The following SH3GL3 variants were observed in gnomAD, a reference collection of about 807,000 sequenced individuals.
The protein encoded by SH3GL3 is SH3 domain containing GRB2 like 3, endophilin A3.
Under a neutral mutation model 47.7 loss-of-function variants are expected in SH3GL3, and 33 were observed. The ratio of observed to expected loss-of-function variants is 0.69; its 90% CI spans 0.52 to 0.92. The LOEUF is 0.92. Ranked by LOEUF, SH3GL3 falls within the 40% of genes least tolerant of loss-of-function variation. SH3GL3 has a pLI of 0.00. For synonymous variants in SH3GL3, 155 were observed against 148.8 expected (o/e 1.04, Z -0.30); for missense variants, 363 against 417.8 (o/e 0.87, Z 1.14).
chr15:83,586,551 A>G (rs982109327), intron 6 of SH3GL3, among the ~76,000 whole-genome samples: 5 of 152,184 alleles, frequency 3.3e-5, no homozygotes, highest in African/African-American at 1.2e-4. Flanking sequence ...TGTTTAATGT[A>G]CTTAATGTCT....
At chr15:83,549,440 G>A (rs1283703171) in intron 1 of SH3GL3, among the ~76,000 whole-genome samples, 1 of 152,196 alleles carries the variant, frequency 6.6e-6, no homozygotes, top group Non-Finnish European at 1.5e-5. Context: ...AATGATTCAA[G>A]TTTGCATTCC....
intron 6 of SH3GL3, among the ~76,000 whole-genome samples, chr15:83,584,761 A>T (rs531539930): frequency 6.6e-6 from 1 of 152,214 alleles, no homozygotes; most frequent in African/African-American, 2.4e-5. Flanking sequence ...TGCTCTCAAG[A>T]TGGCACCAGC....
At chr15:83,491,027 C>A in intron 1 of SH3GL3, 1 of 1,492,244 alleles carries the variant, frequency 6.7e-7, no homozygotes, top group Non-Finnish European at 9.0e-7. Context: ...AGTGGGAAGC[C>A]TTGTATTAGC....
intron 1 of SH3GL3, among the ~76,000 whole-genome samples, chr15:83,474,468 G>T (rs2040999146): frequency 2.0e-5 from 3 of 151,866 alleles, no homozygotes; most frequent in Admixed American, 2.0e-4. Context: ...GCAGGCCAAA[G>T]AAATGTGTGT....
At chr15:83,573,944 G>C (rs2059601225) in intron 5 of SH3GL3, among the ~76,000 whole-genome samples, 1 of 152,178 alleles carries the variant, frequency 6.6e-6, no homozygotes, top group South Asian at 2.1e-4. Flanking sequence ...ATGAGCCCAG[G>C]GACATGAAGG....
Position 83,548,220 on chromosome 15 carries a change from A to G in SH3GL3, c.46-11033A>G, listed in dbSNP as rs995735834. On this transcript the variant is annotated intron_variant, in intron 1 of 8. Transcript: ENST00000427482. ...ACATACATTTAAAACCTCACAAGAC[A>G]TTACTTTTATTTTAAGCTGTGAATA... is the stretch of plus-strand genomic sequence containing the variant. 9.2e-5 allele frequency among the ~76,000 whole-genome samples: 14 copies of G among 151,736 alleles called. 1 individual carries two copies. Among genetic ancestry groups the G allele is most frequent in the African/African-American group, 3.4e-4 (14 of 41,408 alleles).
At chr15:83,611,006 A>ATG (rs933271172) in intron 8 of SH3GL3, among the ~76,000 whole-genome samples, 1 of 150,066 alleles carries the variant, frequency 6.7e-6, no homozygotes, top group Non-Finnish European at 1.5e-5. Context: ...TATAATATGT[A>ATG]TGTGTGTGTG....
At chr15:83,516,705 G>A (rs2637980) in intron 1 of SH3GL3, among the ~76,000 whole-genome samples, 2 of 151,930 alleles carry the variant, frequency 1.3e-5, no homozygotes, top group African/African-American at 2.4e-5. Flanking sequence ...CATGAGGGGT[G>A]TGCCTCATGA....
intron 1 of SH3GL3, among the ~76,000 whole-genome samples, chr15:83,476,081 C>A (rs1786930423): frequency 1.3e-5 from 2 of 151,956 alleles, no homozygotes; most frequent in Admixed American, 6.6e-5. Flanking sequence ...TCATAACTAT[C>A]AAAAAATAGT....
At chr15:83,570,681 T>G (rs778889456) in intron 4 of SH3GL3, among the ~76,000 whole-genome samples, 9 of 152,230 alleles carry the variant, frequency 5.9e-5, no homozygotes, top group Non-Finnish European at 1.2e-4. Flanking sequence ...AAATCAAATA[T>G]TTGGCCACAG....
intron 1 of SH3GL3, among the ~76,000 whole-genome samples, chr15:83,469,031 A>G (rs1567244545): frequency 2.0e-5 from 3 of 152,114 alleles, no homozygotes; most frequent in Admixed American, 6.6e-5. Context: ...TATTCAAATT[A>G]TCTGTTTTTT....
chr15:83,585,742 G>A (rs1168575498), intron 6 of SH3GL3, among the ~76,000 whole-genome samples: 1 of 152,168 alleles, frequency 6.6e-6, no homozygotes, highest in East Asian at 1.9e-4. Flanking sequence ...ACAGAGCATG[G>A]TAAAGTAAAT....
At chr15:83,470,941 T>C (rs1423595233) in intron 1 of SH3GL3, among the ~76,000 whole-genome samples, 1 of 152,162 alleles carries the variant, frequency 6.6e-6, no homozygotes, top group Non-Finnish European at 1.5e-5. Context: ...TCCCTATTTA[T>C]AATATAATTT....
intron 1 of SH3GL3, among the ~76,000 whole-genome samples, chr15:83,450,181 A>G (rs2039668482): frequency 6.6e-6 from 1 of 152,264 alleles, no homozygotes; most frequent in Non-Finnish European, 1.5e-5. Context: ...TTCTGTTATA[A>G]AAATGATTGT....
At chr15:83,562,478 T>A (rs1486114604) in intron 2 of SH3GL3, among the ~76,000 whole-genome samples, 4 of 152,216 alleles carry the variant, frequency 2.6e-5, no homozygotes, top group African/African-American at 9.6e-5. Context: ...GCACTCTAAG[T>A]TATATTTTAA....
chr15:83,612,059 G>A (rs1169105669), intron 8 of SH3GL3, among the ~76,000 whole-genome samples: 1 of 150,798 alleles, frequency 6.6e-6, no homozygotes, highest in African/African-American at 2.4e-5. Context: ...TTCTTCTAAT[G>A]GTGGAAAAAA....
intron 8 of SH3GL3, among the ~76,000 whole-genome samples, chr15:83,599,446 T>A (rs2060323849): frequency 1.3e-5 from 2 of 152,348 alleles, no homozygotes; most frequent in South Asian, 4.1e-4. Context: ...GAACACATGA[T>A]GTTTGGTTTT....
intron 8 of SH3GL3, among the ~76,000 whole-genome samples, chr15:83,600,267 G>C (rs948668869): frequency 6.6e-6 from 1 of 152,120 alleles, no homozygotes; most frequent in South Asian, 2.1e-4. Context: ...CTTTGCCTAA[G>C]CCAATGTCTA....
At chr15:83,596,495 T>C (rs2060240313) in intron 8 of SH3GL3, among the ~76,000 whole-genome samples, 1 of 152,226 alleles carries the variant, frequency 6.6e-6, no homozygotes, top group South Asian at 2.1e-4. Flanking sequence ...ATTATAGTTA[T>C]GGATTTGTCT....
Sources: gnomAD v4.1 joint callset for allele counts (sites outside exome capture counted in the v4.1 genomes callset) on GRCh38, gnomAD v4.1.1 for gene constraint, MANE v1.5 for transcripts, NCBI Gene and HGNC (gene_info 2026-07-23, HGNC 2026-07-21) for gene names.